Variants in MGST1 observed in about 807,000 individuals in gnomAD.
MGST1 encodes the protein microsomal glutathione S-transferase 1.
In MGST1, 5 loss-of-function variants were observed where a neutral mutation model predicts 8.9. That is an observed-to-expected ratio of 0.56 (90% confidence interval 0.29 to 1.19). The LOEUF (loss-of-function observed/expected upper bound fraction) is 1.19, where lower values mean the gene tolerates loss of function less well. Among genes scored for constraint, MGST1 ranks in the 50% most tolerant of loss-of-function variants. MGST1 has a pLI of 0.08. For missense variants in MGST1, 182 were observed against 187.4 expected (o/e 0.97, Z 0.17); for synonymous variants, 54 against 67.8 (o/e 0.80, Z 1.00).
At chr12:16,433,908 T>C (rs1317644796) in intron 1 of MGST1, among the ~76,000 whole-genome samples, 1 of 152,096 alleles carries the variant, frequency 6.6e-6, no homozygotes, top group African/African-American at 2.4e-5. Context: ...GTAGTCCATG[T>C]CAATTTTCCA....
chr12:16,545,385 T>C (rs1357381225), intron 4 of MGST1, among the ~76,000 whole-genome samples: 1 of 152,098 alleles, frequency 6.6e-6, no homozygotes, highest in East Asian at 1.9e-4. Context: ...AGGACTGGTA[T>C]GCTGCTACAC....
chr12:16,482,157 G>T lies in MGST1; in HGVS notation n.482+98553G>T, dbSNP rs541040226. On this transcript the variant is annotated intron_variant and non_coding_transcript_variant, in intron 4 of 4. Transcript: ENST00000538857. The surrounding 1 kb of genome is among the most constrained non-coding windows in gnomAD (Gnocchi z 4.2). ...TGAAGGAAAATAAAGATATTTTCAT[G>T]AAAACCAAAGCAAATTACCACCAGT... is the stretch of plus-strand genomic sequence containing the variant. Among the ~76,000 whole-genome samples, 93 of 152,270 alleles carry T rather than the reference G, an allele frequency of 6.1e-4. No individual in the cohort carries two copies. The highest frequency in any genetic ancestry group is 1.5e-3 in the South Asian group (7 of 4,826).
At chr12:16,416,534 G>T (rs1285979173) in intron 1 of MGST1, among the ~76,000 whole-genome samples, 2 of 152,044 alleles carry the variant, frequency 1.3e-5, no homozygotes, top group African/African-American at 4.8e-5. Flanking sequence ...TTTCTTACGT[G>T]GCAGGGTGAG....
chr12:16,529,592 AC>A (rs1406268195), intron 4 of MGST1, among the ~76,000 whole-genome samples: 2 of 151,956 alleles, frequency 1.3e-5, no homozygotes, highest in Non-Finnish European at 2.9e-5. Flanking sequence ...TACTGATATA[AC>A]CCCATCGCCT....
chr12:16,520,093 C>G (rs897144689), intron 4 of MGST1, among the ~76,000 whole-genome samples: 64 of 152,018 alleles, frequency 4.2e-4, no homozygotes, highest in African/African-American at 1.5e-3. Context: ...GGCTTTTTGG[C>G]AAAATATTTA....
At chr12:16,485,272 C>G (rs931909657) in intron 4 of MGST1, among the ~76,000 whole-genome samples, 1 of 152,130 alleles carries the variant, frequency 6.6e-6, no homozygotes, top group Non-Finnish European at 1.5e-5. Flanking sequence ...AGGCTTAGTC[C>G]CAGGCTCTCT....
intron 1 of MGST1, among the ~76,000 whole-genome samples, chr12:16,420,281 A>G (rs895489224): frequency 6.6e-6 from 1 of 152,288 alleles, no homozygotes; most frequent in East Asian, 1.9e-4. Context: ...GAAGATTCAG[A>G]TCTTTTGATT....
At chr12:16,563,071 AG>A (rs1942458072) in intron 4 of MGST1, among the ~76,000 whole-genome samples, 1 of 152,174 alleles carries the variant, frequency 6.6e-6, no homozygotes, top group African/African-American at 2.4e-5. Flanking sequence ...GCCTCGCTGG[AG>A]GCTCCATCAG....
At chr12:16,501,592 A>G (rs1169740721) in intron 4 of MGST1, among the ~76,000 whole-genome samples, 1 of 152,192 alleles carries the variant, frequency 6.6e-6, no homozygotes, top group Non-Finnish European at 1.5e-5. Flanking sequence ...ACTGCTACGT[A>G]CTCAATTATG....
Position 16,544,099 on chromosome 12 carries a change from A to G in MGST1, n.483-45429A>G, listed in dbSNP as rs1941808000. Among the ~76,000 whole-genome samples, 1 of 152,070 alleles carries G rather than the reference A, an allele frequency of 6.6e-6. No homozygotes were observed. Among genetic ancestry groups the G allele is most frequent in the Non-Finnish European group, 1.5e-5 (1 of 68,000 alleles). On this transcript the variant is annotated intron_variant and non_coding_transcript_variant, in intron 4 of 4. Coordinates refer to the MGST1 transcript ENST00000538857. The surrounding 1 kb of genome is among the most constrained non-coding windows in gnomAD (Gnocchi z 4.8). The stretch of plus-strand genomic sequence containing the variant: ...CAGGTTGAGTATTCCTTTCTGGAAC[A>G]GTTCACAGCATCTTACTGTGCTGCA...
chr12:16,494,305 G>T (rs1941456884), intron 4 of MGST1, among the ~76,000 whole-genome samples: 1 of 152,124 alleles, frequency 6.6e-6, no homozygotes, highest in African/African-American at 2.4e-5. Context: ...GATGCATGTT[G>T]ATGATTTGGC....
chr12:16,436,435 G>T (rs79180714), intron 1 of MGST1, among the ~76,000 whole-genome samples: 5,019 of 151,896 alleles, frequency 0.033, 101 homozygotes, highest in South Asian at 0.078. Context: ...ATACTCTTAA[G>T]TTCATTGAGG....
chr12:16,402,461 C>T (rs904765600), intron 1 of MGST1: 87 of 1,584,030 alleles, frequency 5.5e-5, no homozygotes, highest in East Asian at 6.7e-5. Flanking sequence ...GAGAATCACG[C>T]GATGTCCCGG....
At position 16,452,496 on chromosome 12, in the gene MGST1, ATAT is replaced by A. The variant is rs553970481; in HGVS notation, n.482+68898_482+68900del. ...TGCTGATAAGAACTCAAAGCTCGCA[ATAT>A]TATTACTACTAAAGAATACAACAGA... is the stretch of plus-strand genomic sequence containing the variant. On this transcript the variant is annotated intron_variant and non_coding_transcript_variant, in intron 4 of 4. Coordinates refer to the MGST1 transcript ENST00000538857. 3.2e-4 allele frequency among the ~76,000 whole-genome samples: 48 copies of A among 151,950 alleles called. No homozygotes were observed. The South Asian group carries it at 9.8e-3, about 31-fold the overall frequency.
At position 16,402,389 on chromosome 12, in the gene MGST1, T is replaced by C. The variant is rs1244684191; in HGVS notation, n.778+18785T>C. On this transcript the variant is annotated intron_variant and non_coding_transcript_variant, in intron 1 of 1. Transcript: ENST00000359720. Reference sequence around the variant, plus strand: ...GCTGTACAGTCTCTTCACTCACCGATAATAAGCGTCTTTGTCCAGAGTCAC... The same window carrying C: ...GCTGTACAGTCTCTTCACTCACCGACAATAAGCGTCTTTGTCCAGAGTCAC... The C allele has an allele frequency of 3.5e-5, 56 of 1,604,662 alleles. No homozygotes were observed. In the South Asian group the frequency reaches 3.5e-4, roughly 10 times the overall value.
At chr12:16,431,990 T>G (rs1940942980) in intron 1 of MGST1, among the ~76,000 whole-genome samples, 1 of 152,214 alleles carries the variant, frequency 6.6e-6, no homozygotes, top group Non-Finnish European at 1.5e-5. Flanking sequence ...TTTAATCCAT[T>G]TGAGAAATTC....
At chr12:16,437,163 G>A (rs1940993941) in intron 1 of MGST1, among the ~76,000 whole-genome samples, 1 of 151,834 alleles carries the variant, frequency 6.6e-6, no homozygotes, top group Non-Finnish European at 1.5e-5. Context: ...GATTAGAACA[G>A]TTAAAAAGGA....
intron 4 of MGST1, among the ~76,000 whole-genome samples, chr12:16,536,672 G>A (rs1941758601): frequency 6.6e-6 from 1 of 152,102 alleles, no homozygotes; most frequent in Non-Finnish European, 1.5e-5. Context: ...CATGGTGGGA[G>A]GTGAAAGGCA....
At chr12:16,451,452 C>T (rs183217972) in intron 4 of MGST1, among the ~76,000 whole-genome samples, 66 of 151,758 alleles carry the variant, frequency 4.3e-4, no homozygotes, top group Non-Finnish European at 8.6e-4. Flanking sequence ...AAGGAATTCT[C>T]AAAAAAACTT....
Sources: allele counts gnomAD v4.1 joint callset (sites outside exome capture counted in the v4.1 genomes callset), GRCh38; gene constraint gnomAD v4.1.1; non-coding constraint Gnocchi (gnomAD v3.1); transcripts MANE v1.5; gene names NCBI Gene and HGNC (gene_info 2026-07-23, HGNC 2026-07-21).